Variants in TCERG1 observed in about 807,000 individuals in gnomAD.
TCERG1 encodes TATA box binding protein (TBP)-associated factor, RNA polymerase II, S, 150kD.
TCERG1 carries 37 observed loss-of-function variants against 144.7 expected under a neutral mutation model. That is an observed-to-expected ratio of 0.26 (90% confidence interval 0.20 to 0.34). The LOEUF is 0.34. Ranked by LOEUF, TCERG1 falls within the 10% of genes least tolerant of loss-of-function variation. The pLI is 1.00. For synonymous variants in TCERG1, 492 were observed against 458.2 expected (o/e 1.07, Z -0.94); for missense variants, 1,027 against 1,380.7 (o/e 0.74, Z 4.06).
rs776472531 is a variant in TCERG1 at position 146,457,280 on chromosome 5, C to T, written c.383C>T (p.Pro128Leu). The T allele has an allele frequency of 3.7e-6, 6 of 1,614,022 alleles. No individual in the cohort carries two copies. The highest frequency in any genetic ancestry group is 5.1e-6 in the Non-Finnish European group (6 of 1,179,916). The change falls in exon 3 of 23, where the codon CCA (proline) becomes CTA (leucine). Residue 128 changes from proline (P) to leucine (L), a missense_variant. This residue lies in a region of TCERG1 where 175 missense variants were observed against 197.0 expected (regional missense o/e 0.89). Transcript: ENST00000679501. ...CCTCCTGTGACTGCTCCTGGTACTC[C>T]AGCACTACCTCCTACGGAGGAGATA... is the stretch of plus-strand genomic sequence containing the variant. The part of the protein sequence containing the change: ...GMPPVTAPGT[P>L]ALPPTEEIWV...
chr5:146,504,971 G>A (rs182691329), intron 19 of TCERG1, among the ~76,000 whole-genome samples: 1 of 152,116 alleles, frequency 6.6e-6, no homozygotes, highest in East Asian at 1.9e-4. Context: ...ACTTGTACCT[G>A]GGAGGCGGAG....
chr5:146,482,548 A>G (rs1207278655), intron 13 of TCERG1, 44 bp from the exon 14 acceptor site: 1 of 1,531,476 alleles, frequency 6.5e-7, no homozygotes, highest in South Asian at 1.2e-5. Context: ...AGATCTGAGA[A>G]TTAATATTTT....
At chr5:146,489,751 CAG>C (rs965828472) in intron 15 of TCERG1, among the ~76,000 whole-genome samples, 4 of 152,072 alleles carry the variant, frequency 2.6e-5, no homozygotes, top group African/African-American at 9.7e-5. Flanking sequence ...GTGAACTTAA[CAG>C]AATTATTTTT....
At chr5:146,469,403 CTTTTTATATGAT>C (rs1764089168) in intron 6 of TCERG1, 129 bp from the exon 7 acceptor site, 1 of 634,226 alleles carries the variant, frequency 1.6e-6, no homozygotes, top group African/African-American at 1.9e-5. Context: ...TTTATGTCAC[CTTTTTATATGAT>C]TTTTGTTTTG....
intron 15 of TCERG1, among the ~76,000 whole-genome samples, chr5:146,488,764 A>T (rs992767698): frequency 2.6e-5 from 4 of 152,218 alleles, no homozygotes; most frequent in African/African-American, 9.6e-5. Flanking sequence ...TTGAAGAGAT[A>T]TCTGTACCCT....
intron 15 of TCERG1, among the ~76,000 whole-genome samples, chr5:146,484,898 C>T (rs1765689143): frequency 6.6e-6 from 1 of 152,098 alleles, no homozygotes; most frequent in African/African-American, 2.4e-5. Flanking sequence ...TATTGTTGAT[C>T]TCCTTCATTC....
At chr5:146,447,621 C>G (rs993349765) in intron 1 of TCERG1, among the ~76,000 whole-genome samples, 1 of 152,242 alleles carries the variant, frequency 6.6e-6, no homozygotes, top group Non-Finnish European at 1.5e-5. Flanking sequence ...CGTTCCCTGG[C>G]TGCTTCCTAG....
At chr5:146,474,365 C>A (rs1403854176) in intron 9 of TCERG1, among the ~76,000 whole-genome samples, 1 of 152,106 alleles carries the variant, frequency 6.6e-6, no homozygotes, top group East Asian at 1.9e-4. Flanking sequence ...TGTAATGGGT[C>A]AGGAGTTGCT....
At chr5:146,468,114 G>A (rs535900520) in intron 5 of TCERG1, among the ~76,000 whole-genome samples, 1 of 152,262 alleles carries the variant, frequency 6.6e-6, no homozygotes, top group South Asian at 2.1e-4. Context: ...TATGTTCAGA[G>A]CTGGTTTGAT....
chr5:146,460,175 G>C (rs1415615229), intron 4 of TCERG1, among the ~76,000 whole-genome samples: 2 of 152,096 alleles, frequency 1.3e-5, no homozygotes, highest in Admixed American at 1.3e-4. Flanking sequence ...ATTTTCAGGT[G>C]TAAACTCACA....
At chr5:146,495,688 AT>A (rs1561693898) in intron 16 of TCERG1, among the ~76,000 whole-genome samples, 1 of 152,200 alleles carries the variant, frequency 6.6e-6, no homozygotes, top group African/African-American at 2.4e-5. Context: ...TAAGTTCTAA[AT>A]TGAGATTAAC....
In TCERG1 at chr5:146,459,281, C is replaced by G. The variant is rs115619679; in HGVS notation, c.836C>G (p.Pro279Arg). The G allele has an allele frequency of 6.2e-7, 1 of 1,614,142 alleles. No individual in the cohort carries two copies. The highest frequency in any genetic ancestry group is 8.5e-7 in the Non-Finnish European group (1 of 1,180,050). The change falls in exon 4 of 23, where the codon CCT becomes CGT. Residue 279 changes from proline to arginine, a missense_variant. By Grantham distance (103) the Pro-to-Arg change is moderately radical. Around this residue, in one of 6 missense-constraint regions of TCERG1, gnomAD observed 187 missense variants for 169.1 expected, o/e 1.11. Coordinates refer to ENST00000679501, the MANE Select transcript of TCERG1 (RefSeq NM_001382548.1). ...AVSTSTSSST[P>R]SSTTSTTTTA... The stretch of plus-strand genomic sequence containing the variant: ...TCCACTTCAACATCATCATCCACCC[C>G]TTCCTCTACCACTTCTACCACAACA...
chr5:146,494,743 C>G (rs1387758494), intron 16 of TCERG1, among the ~76,000 whole-genome samples: 2 of 151,958 alleles, frequency 1.3e-5, no homozygotes, highest in Non-Finnish European at 2.9e-5. Flanking sequence ...TATAGAGCAC[C>G]AGAGTTTGTT....
chr5:146,457,225 C>G lies in TCERG1; in HGVS notation c.328C>G (p.Pro110Ala). ...TCCTCCCATGAGTTCCATGCCTCCTCCTCCGGGTATGATGTTTCCACCAGG... is the reference window on the plus strand; with the variant it reads ...TCCTCCCATGAGTTCCATGCCTCCTGCTCCGGGTATGATGTTTCCACCAGG... ...MPPPMSSMPPPPGMMFPPGMP... is the reference protein window; with the variant it reads ...MPPPMSSMPPAPGMMFPPGMP... Residue 110 changes from proline (P) to alanine (A), a missense_variant, in exon 3 of 23, where the codon CCT becomes GCT. Physicochemically the swap from Pro to Ala is conservative, Grantham distance 27. Coordinates refer to ENST00000679501, the MANE Select transcript of TCERG1 (RefSeq NM_001382548.1). 1 of 1,614,160 alleles carries G rather than the reference C, an allele frequency of 6.2e-7. No individual in the cohort carries two copies.
At position 146,478,634 on chromosome 5, in the gene TCERG1, G is replaced by A; in HGVS notation, c.1743G>A (p.Met581Ile). 1.3e-6 allele frequency: 2 copies of A among 1,591,380 alleles called. No homozygotes were observed. The highest frequency in any genetic ancestry group is 1.7e-6 in the Non-Finnish European group (2 of 1,173,430). The change falls in exon 10 of 23, where the codon ATG (methionine) becomes ATA (isoleucine). Residue 581 changes from methionine to isoleucine, a missense_variant. Transcript: ENST00000679501. ...AGGAGCCCCCTCATAAAAAAGGAATGGAGGAATTGAAGAAACTAAGTAAGT... is the reference window on the plus strand; with the variant it reads ...AGGAGCCCCCTCATAAAAAAGGAATAGAGGAATTGAAGAAACTAAGTAAGT... ...IIQEPPHKKG[M>I]EELKKLRHPT...
At chr5:146,449,518 C>T (rs980239665) in intron 1 of TCERG1, among the ~76,000 whole-genome samples, 7 of 152,222 alleles carry the variant, frequency 4.6e-5, no homozygotes, top group African/African-American at 7.2e-5. Context: ...TCTCCTCAAT[C>T]ATAGTTTATA....
At chr5:146,479,215 C>T (rs1451518024) in intron 10 of TCERG1, among the ~76,000 whole-genome samples, 1 of 151,894 alleles carries the variant, frequency 6.6e-6, no homozygotes, top group African/African-American at 2.4e-5. Flanking sequence ...TGGTAATTTG[C>T]CCTTGTGTTG....
intron 17 of TCERG1, among the ~76,000 whole-genome samples, chr5:146,501,004 CAAA>C (rs56318938): frequency 7.6e-5 from 10 of 132,386 alleles, no homozygotes; most frequent in Non-Finnish European, 8.2e-5. Context: ...GGGATTCTTT[CAAA>C]AAAAAAAAAA....
chr5:146,510,749 C>A lies in TCERG1; in HGVS notation c.*107C>A. ...GTCAACCTATTGCGAAACCATCTGA[C>A]AAACAGAAGGAGAAGCATTTGTGAA... On this transcript the variant is annotated 3_prime_UTR_variant, in exon 23 of 23. Coordinates refer to ENST00000679501, the MANE Select transcript of TCERG1 (RefSeq NM_001382548.1). The A allele has an allele frequency of 9.6e-7, 1 of 1,041,688 alleles. No individual in the cohort carries two copies. The highest frequency in any genetic ancestry group is 1.3e-6 in the Non-Finnish European group (1 of 741,268). The allele number at this position is 1,041,688 out of a possible 1,614,324, so 64.5% of individuals were successfully genotyped here. A position where few individuals can be genotyped will look rare whatever the true frequency, so the allele number is the denominator to read the frequency against.
Sources: allele counts gnomAD v4.1 joint callset (sites outside exome capture counted in the v4.1 genomes callset), GRCh38; gene constraint gnomAD v4.1.1; regional missense constraint gnomAD v4.1.1; transcripts MANE v1.5; gene names NCBI Gene and HGNC (gene_info 2026-07-23, HGNC 2026-07-21).